FGF13: variants seen among roughly 807,000 people sequenced by gnomAD.
The protein encoded by FGF13 is fibroblast growth factor 13.
Under a neutral mutation model 19.5 loss-of-function variants are expected in FGF13, and 2 were observed. The observed-to-expected ratio is 0.10, with a 90% CI of 0.04 to 0.32. The LOEUF is 0.32. Ranked by LOEUF, FGF13 falls within the 10% of genes least tolerant of loss-of-function variation. The probability of loss-of-function intolerance (pLI) is 1.00; values close to 1 mark genes in which losing one functional copy is unlikely to be tolerated. For missense variants in FGF13, 113 were observed against 192.7 expected, an observed-to-expected ratio of 0.59 and a Z score of 2.45; for synonymous variants, 72 against 76.9, an observed-to-expected ratio of 0.94 and a Z score of 0.33.
intron 1 of FGF13, among the ~76,000 whole-genome samples, chrX:139,067,847 G>A (rs1047665788): frequency 1.8e-5 from 2 of 110,071 alleles, no homozygotes; most frequent in African/African-American, 3.3e-5. Context: ...TTTTTTTCTT[G>A]TAAATTTGTT....
chrX:138,852,986 G>T (rs1042777473), downstream of FGF13, among the ~76,000 whole-genome samples: 9 of 110,742 alleles, frequency 8.1e-5, no homozygotes, highest in African/African-American at 2.9e-4. Flanking sequence ...GATAATTAAA[G>T]AAATGCAAAC....
At chrX:138,741,776 A>T (rs2090319850), upstream of FGF13, among the ~76,000 whole-genome samples, 1 of 112,256 alleles carries the variant, frequency 8.9e-6, no homozygotes, top group African/African-American at 3.2e-5. Flanking sequence ...ATTTTAAGCA[A>T]TAGAAAGGCA....
rs182493252 is a variant in FGF13, at chrX:139,008,906, G to A, written c.-112-144256C>T. ...GAAGGTCAATTATTAAGCTAATCAA[G>A]GAGGCACCAGAGAAAGGTGAAGTCC... On this transcript the variant is annotated intron_variant, in intron 1 of 2. Coordinates refer to the FGF13 transcript ENST00000421460. Among the ~76,000 whole-genome samples the A allele has an allele frequency of 4.0e-3, 447 of 111,611 alleles. 1 individual carries two copies. The highest frequency in any genetic ancestry group is 0.014 in the African/African-American group (419 of 30,708).
intron 1 of FGF13, among the ~76,000 whole-genome samples, chrX:138,945,615 T>C (rs2091778332): frequency 9.0e-6 from 1 of 111,676 alleles, no homozygotes; most frequent in African/African-American, 3.3e-5. Flanking sequence ...TAATTGTTAA[T>C]TATCTTGGTG....
chrX:138,825,984 G>C (rs1055010372), intron 3 of FGF13, among the ~76,000 whole-genome samples: 1 of 111,280 alleles, frequency 9.0e-6, no homozygotes, highest in Non-Finnish European at 1.9e-5. Flanking sequence ...GCTACACTGG[G>C]ACAACCTATG....
chrX:138,770,328 A>G (rs1203768222), intron 3 of FGF13, among the ~76,000 whole-genome samples: 1 of 110,347 alleles, frequency 9.1e-6, no homozygotes, highest in Non-Finnish European at 1.9e-5. Context: ...TCAGCCCCCC[A>G]CTTTTACCCC....
At chrX:138,783,378 A>G (rs1268974470) in intron 3 of FGF13, among the ~76,000 whole-genome samples, 1 of 105,657 alleles carries the variant, frequency 9.5e-6, no homozygotes, top group Non-Finnish European at 1.9e-5. Flanking sequence ...TGAACAGGCA[A>G]CCTACAAAAT....
chrX:138,789,460 G>A (rs1461112822), intron 3 of FGF13, among the ~76,000 whole-genome samples: 8 of 108,899 alleles, frequency 7.3e-5, no homozygotes, highest in African/African-American at 1.7e-4. Flanking sequence ...GATTACAGGC[G>A]TCAGCCACCG....
intron 3 of FGF13, among the ~76,000 whole-genome samples, chrX:138,778,077 G>A (rs778940218): frequency 3.7e-4 from 41 of 111,686 alleles, no homozygotes; most frequent in African/African-American, 6.5e-4. Flanking sequence ...GAACAGCTCC[G>A]GTCTACAGCT....
At chrX:138,640,185 A>G (rs748457134) in intron 3 of FGF13, among the ~76,000 whole-genome samples, 2 of 111,543 alleles carry the variant, frequency 1.8e-5, no homozygotes, top group South Asian at 7.6e-4. Flanking sequence ...TGACAAGAAT[A>G]AAACATTTGA....
At chrX:138,691,868 T>C (rs2089842016) in intron 3 of FGF13, among the ~76,000 whole-genome samples, 1 of 112,117 alleles carries the variant, frequency 8.9e-6, no homozygotes, top group African/African-American at 3.2e-5. Context: ...AGATGTGTTA[T>C]CTACTCACAC....
At chrX:139,162,005 T>C (rs2084038700) in intron 1 of FGF13, among the ~76,000 whole-genome samples, 1 of 112,112 alleles carries the variant, frequency 8.9e-6, no homozygotes, top group Non-Finnish European at 1.9e-5. Context: ...GCTATTCCCA[T>C]CAAGCTACCA....
chrX:138,896,012 C>A (rs974557540), intron 1 of FGF13, among the ~76,000 whole-genome samples: 1 of 111,882 alleles, frequency 8.9e-6, no homozygotes, highest in Admixed American at 9.5e-5. Flanking sequence ...AGGTCTTGAA[C>A]TCCTGGGCTC....
At chrX:138,972,716 T>C in intron 1 of FGF13, among the ~76,000 whole-genome samples, 1 of 111,441 alleles carries the variant, frequency 9.0e-6, no homozygotes, top group East Asian at 2.8e-4. Context: ...GGGCGTGAGA[T>C]GATATTTCAT....
chrX:139,090,255 C>T (rs1391494357), intron 1 of FGF13, among the ~76,000 whole-genome samples: 2 of 111,570 alleles, frequency 1.8e-5, no homozygotes, highest in African/African-American at 6.5e-5. Flanking sequence ...TCCCATAGAT[C>T]AAGAACCTGA....
intron 1 of FGF13, among the ~76,000 whole-genome samples, chrX:138,977,417 C>T (rs1465492265): frequency 1.8e-5 from 2 of 112,137 alleles, no homozygotes; most frequent in Admixed American, 9.5e-5. Context: ...CTATGATCTA[C>T]TACTTAATAG....
chrX:138,838,410 G>C (rs952214232), intron 3 of FGF13, among the ~76,000 whole-genome samples: 1 of 111,999 alleles, frequency 8.9e-6, no homozygotes, highest in South Asian at 3.8e-4. Context: ...CTGTGTGTCA[G>C]GCTGAAGGTC....
chrX:138,847,156 G>C (rs1046659503), intron 3 of FGF13, among the ~76,000 whole-genome samples: 1 of 111,812 alleles, frequency 8.9e-6, no homozygotes, highest in Non-Finnish European at 1.9e-5. Context: ...AGCCATGGAG[G>C]GGAGAAGGCA....
chrX:139,201,848 C>T (rs914466343), intron 1 of FGF13, among the ~76,000 whole-genome samples: 7 of 111,697 alleles, frequency 6.3e-5, no homozygotes, highest in Middle Eastern at 4.7e-3. Flanking sequence ...AATTCAACAA[C>T]GAACAGAAAG....
Sources: allele counts gnomAD v4.1 joint callset (sites outside exome capture counted in the v4.1 genomes callset), GRCh38; gene constraint gnomAD v4.1.1; transcripts MANE v1.5; gene names NCBI Gene and HGNC (gene_info 2026-07-23, HGNC 2026-07-21).